FRRS1: variants seen among roughly 807,000 people sequenced by gnomAD.
FRRS1 encodes the protein ferric chelate reductase 1.
A neutral mutation model predicts 70.7 loss-of-function variants in FRRS1; 51 were observed. The observed-to-expected ratio is 0.72, with a 90% CI of 0.58 to 0.91. The LOEUF (loss-of-function observed/expected upper bound fraction) is 0.91. Ranked by LOEUF, FRRS1 falls within the 40% of genes least tolerant of loss-of-function variation. FRRS1 has a pLI of 0.00. For missense variants in FRRS1, 672 were observed against 726.0 expected, an observed-to-expected ratio of 0.93 and a Z score of 0.86; for synonymous variants, 225 against 238.7, an observed-to-expected ratio of 0.94 and a Z score of 0.53.
intron 5 of FRRS1, 148 bp downstream of exon 5, chr1:99,742,030 CT>C: frequency 1.3e-5 from 7 of 530,302 alleles, no homozygotes; most frequent in Admixed American, 7.0e-5. Context: ...CTTTTTTTTC[CT>C]TTTTTTAGAG....
chr1:99,722,466 A>G (rs779361430), intron 9 of FRRS1, among the ~76,000 whole-genome samples: 7 of 152,200 alleles, frequency 4.6e-5, no homozygotes, highest in Non-Finnish European at 7.4e-5. Flanking sequence ...ATATAGATGT[A>G]AAAAGCTTAA....
rs746164249 is a variant in FRRS1, at chr1:99,742,197, G to A, written c.410C>T (p.Pro137Leu). 1.7e-4 allele frequency: 267 copies of A among 1,605,506 alleles called. No individual in the cohort carries two copies. Among genetic ancestry groups the A allele is most frequent in the Non-Finnish European group, 2.2e-4 (263 of 1,172,424 alleles). ...KVYWNAPSSA[P>L]NHTQFLVTVV... The stretch of plus-strand genomic sequence containing the variant: ...TACTCACAGAAACTGTGTGTGATTT[G>A]GAGCACTGCTTGGAGCATTCCAGTA... Residue 137 changes from proline (P) to leucine (L), a missense_variant, in exon 5 of 17, where the codon CCA becomes CTA. Pro to Leu is a moderately conservative substitution (Grantham distance 98). Coordinates refer to ENST00000646001, the MANE Select transcript of FRRS1 (RefSeq NM_001361041.2).
At chr1:99,759,587 C>A (rs1657020052) in intron 1 of FRRS1, among the ~76,000 whole-genome samples, 2 of 152,020 alleles carry the variant, frequency 1.3e-5, no homozygotes, top group Non-Finnish European at 2.9e-5. Context: ...GGTAAAACCA[C>A]AGAAGGATAA....
Position 99,708,951 on chromosome 1 carries a change from A to G in FRRS1, c.*77T>C, listed in dbSNP as rs1377022054. Reference sequence around the variant, plus strand: ...GAGAATTCACAAATATGCTCCAGGCAGTCAGGACAGGCTTCAAGTTTCTTT... The same window carrying G: ...GAGAATTCACAAATATGCTCCAGGCGGTCAGGACAGGCTTCAAGTTTCTTT... On this transcript the variant is annotated 3_prime_UTR_variant, in exon 17 of 17. Transcript: ENST00000646001. The G allele has an allele frequency of 6.2e-7, 1 of 1,613,954 alleles. No homozygotes were observed.
In FRRS1 at chr1:99,704,629, T is replaced by C. The variant is rs998084353; in HGVS notation, c.*4399A>G. Among the ~76,000 whole-genome samples, 4 of 152,214 alleles carry C rather than the reference T, an allele frequency of 2.6e-5. No homozygotes were observed. The East Asian group carries it at 5.8e-4, about 22-fold the overall frequency. ...GCTCACCACGCCCCCATCCTGTGCC[T>C]ATAAAAACCTCCAAGATTCTAGCAG... On this transcript the variant is annotated 3_prime_UTR_variant, in exon 17 of 17. Coordinates refer to ENST00000646001, the MANE Select transcript of FRRS1 (RefSeq NM_001361041.2).
At chr1:99,720,491 A>G (rs989494115) in intron 9 of FRRS1, among the ~76,000 whole-genome samples, 1 of 152,154 alleles carries the variant, frequency 6.6e-6, no homozygotes, top group African/African-American at 2.4e-5. Flanking sequence ...TTAATATAAC[A>G]AATATATATA....
chr1:99,715,749 G>A, intron 11 of FRRS1, 77 bp from the exon 12 acceptor site: 2 of 935,816 alleles, frequency 2.1e-6, no homozygotes, highest in Non-Finnish European at 3.5e-6. Context: ...GGAAAATGGG[G>A]AAAAGACTAT....
Position 99,741,773 on chromosome 1 carries a change from C to T in FRRS1, c.428+406G>A, listed in dbSNP as rs568515197. 1.9e-4 allele frequency among the ~76,000 whole-genome samples: 29 copies of T among 152,274 alleles called. No homozygotes were observed. In the South Asian group the frequency reaches 5.4e-3, roughly 28 times the overall value. On this transcript the variant is annotated intron_variant, in intron 5 of 16. Coordinates refer to ENST00000646001, the MANE Select transcript of FRRS1 (RefSeq NM_001361041.2). ...AAGACTCAAGTATTAATTGATAGCT[C>T]TTATTAGGATTAAGGCAGTACAAGA... is the stretch of plus-strand genomic sequence containing the variant.
At chr1:99,726,483 C>A (rs1571113197) in intron 9 of FRRS1, among the ~76,000 whole-genome samples, 1 of 152,118 alleles carries the variant, frequency 6.6e-6, no homozygotes, top group Admixed American at 6.6e-5. Flanking sequence ...TGATTTTGAA[C>A]AAGTTGCTTG....
At chr1:99,746,546 A>T (rs1460986627) in intron 4 of FRRS1, among the ~76,000 whole-genome samples, 1 of 152,266 alleles carries the variant, frequency 6.6e-6, no homozygotes, top group African/African-American at 2.4e-5. Context: ...TGAATCTTCA[A>T]GAAATTCAAG....
At chr1:99,727,372 A>G (rs916698742) in intron 9 of FRRS1, among the ~76,000 whole-genome samples, 4 of 152,234 alleles carry the variant, frequency 2.6e-5, no homozygotes, top group African/African-American at 9.6e-5. Context: ...AACAAGAGCA[A>G]ATGATTTGAC....
rs149243286 is a variant in FRRS1, at chr1:99,728,644, C to CAA, written c.859-6_859-5dup. 34,071 of 1,612,370 alleles carry CAA rather than the reference C, an allele frequency of 0.021. 520 individuals are homozygous for CAA. The highest frequency in any genetic ancestry group is 0.036 in the Middle Eastern group (219 of 6,058). On this transcript the variant is annotated splice_polypyrimidine_tract_variant and splice_region_variant and intron_variant, in intron 8 of 16. Coordinates refer to ENST00000646001, the MANE Select transcript of FRRS1 (RefSeq NM_001361041.2). ...AAGCCATATCCTCAAGGGTATCCTA[C>CAA]AAACACACACAATGGGTCTTCTCAG...
rs1418977801 is a variant in FRRS1 at position 99,705,944 on chromosome 1, A to G, written c.*3084T>C. On this transcript the variant is annotated 3_prime_UTR_variant, in exon 17 of 17. Coordinates refer to ENST00000646001, the MANE Select transcript of FRRS1 (RefSeq NM_001361041.2). ...ATTTAATTTAACAATAATTACTATC[A>G]AAAGAAATAACTTTTGAAAAACTTC... Among the ~76,000 whole-genome samples the G allele has an allele frequency of 6.6e-6, 1 of 152,232 alleles. No individual in the cohort carries two copies. Among genetic ancestry groups the G allele is most frequent in the Non-Finnish European group, 1.5e-5 (1 of 68,026 alleles).
chr1:99,751,076 G>A (rs1470847875), intron 1 of FRRS1, among the ~76,000 whole-genome samples: 2 of 152,022 alleles, frequency 1.3e-5, no homozygotes, highest in Non-Finnish European at 2.9e-5. Flanking sequence ...ATCCTCTGAG[G>A]CCCTAAATAG....
chr1:99,730,678 T>C (rs568758784), intron 7 of FRRS1, among the ~76,000 whole-genome samples: 81 of 152,162 alleles, frequency 5.3e-4, no homozygotes, highest in East Asian at 7.7e-4. Flanking sequence ...CCATCCTGGC[T>C]AACATGGTGA....
At position 99,719,536 on chromosome 1, in the gene FRRS1, T is replaced by A. The variant is rs750386280; in HGVS notation, c.1118A>T (p.His373Leu). The change falls in exon 10 of 17, where the codon CAT (histidine) becomes CTT (leucine). Residue 373 changes from histidine to leucine, a missense_variant and splice_region_variant. His to Leu is a moderately conservative substitution (Grantham distance 99). Coordinates refer to ENST00000646001, the MANE Select transcript of FRRS1 (RefSeq NM_001361041.2). ...AAGTAGTTACACATGTAACCTACCA[T>A]GAACCTTCAGAAGGAGTACAGAATG... ...GSHSVLLLKVHGALMFVAWMT... is the reference protein window; with the variant it reads ...GSHSVLLLKVLGALMFVAWMT... The A allele has an allele frequency of 1.3e-6, 2 of 1,525,066 alleles. No homozygotes were observed. The highest frequency in any genetic ancestry group is 1.8e-6 in the Non-Finnish European group (2 of 1,099,506). 94.5% of individuals were successfully genotyped at this position (1,525,066 alleles called of 1,614,324 possible).
chr1:99,705,972 A>C lies in FRRS1; in HGVS notation c.*3056T>G, dbSNP rs1654026674. Among the ~76,000 whole-genome samples, 1 of 152,236 alleles carries C rather than the reference A, an allele frequency of 6.6e-6. No individual in the cohort carries two copies. The highest frequency in any genetic ancestry group is 1.5e-5 in the Non-Finnish European group (1 of 68,042). On this transcript the variant is annotated 3_prime_UTR_variant, in exon 17 of 17. Transcript: ENST00000646001. The stretch of plus-strand genomic sequence containing the variant: ...AGAAATAACTTTTGAAAAACTTCCC[A>C]GAGTGTTTATTACAGAAACAAAAAG...
At chr1:99,761,881 T>C (rs1657125773) in intron 1 of FRRS1, among the ~76,000 whole-genome samples, 1 of 152,180 alleles carries the variant, frequency 6.6e-6, no homozygotes, top group South Asian at 2.1e-4. Context: ...GAAATAATAG[T>C]AGAAGAGTTA....
intron 7 of FRRS1, among the ~76,000 whole-genome samples, chr1:99,730,816 G>A (rs185662950): frequency 4.8e-5 from 7 of 146,570 alleles, no homozygotes; most frequent in Admixed American, 2.1e-4. Context: ...GCAGTGAGCC[G>A]AGATCGCGCC....
Sources: gnomAD v4.1 joint callset for allele counts (sites outside exome capture counted in the v4.1 genomes callset) on GRCh38, gnomAD v4.1.1 for gene constraint, MANE v1.5 for transcripts, NCBI Gene and HGNC (gene_info 2026-07-23, HGNC 2026-07-21) for gene names.